NRG1: variants seen among roughly 807,000 people sequenced by gnomAD.
The protein encoded by NRG1 is neuregulin 1.
In NRG1, 18 loss-of-function variants were observed where a neutral mutation model predicts 63.8. That is an observed-to-expected ratio of 0.28 (90% CI 0.19 to 0.42). The LOEUF is 0.42. Ranked by LOEUF, NRG1 falls within the 10% of genes least tolerant of loss-of-function variation. The pLI, the probability that NRG1 is intolerant of heterozygous loss-of-function variation, is 1.00. For synonymous variants in NRG1, 302 were observed against 301.3 expected (o/e 1.00, Z -0.02); for missense variants, 762 against 814.7 (o/e 0.94, Z 0.79).
intron 1 of NRG1, among the ~76,000 whole-genome samples, chr8:32,475,421 C>T (rs1052145384): frequency 4.3e-5 from 6 of 138,190 alleles, no homozygotes; most frequent in Non-Finnish European, 7.6e-5. Flanking sequence ...CCTGAGATCA[C>T]GCCACTGCAC....
chr8:32,625,909 T>G (rs1849175885), intron 5 of NRG1, among the ~76,000 whole-genome samples: 1 of 151,628 alleles, frequency 6.6e-6, no homozygotes, highest in Non-Finnish European at 1.5e-5. Context: ...TTCTTTTGCC[T>G]CAGCTTCCCA....
chr8:32,022,592 T>C (rs1222917795), intron 1 of NRG1, among the ~76,000 whole-genome samples: 2 of 152,210 alleles, frequency 1.3e-5, no homozygotes, highest in African/African-American at 4.8e-5. Flanking sequence ...GAGAGGGAAC[T>C]ATTCAGAGTA....
rs184369862 is a variant in NRG1 at position 31,923,128 on chromosome 8, C to G, written c.37+283697C>G. On this transcript the variant is annotated intron_variant, in intron 1 of 10. Transcript: ENST00000519301. ...CGTTAAGTATGATGTTTTAGTCTCT[C>G]TTTTCTTTTTTAGAAACCTTCACTA... Among the ~76,000 whole-genome samples the G allele has an allele frequency of 2.6e-5, 4 of 152,170 alleles. No homozygotes were observed. The East Asian group carries it at 7.7e-4, about 29-fold the overall frequency.
At chr8:32,299,842 C>T (rs1855379051) in intron 1 of NRG1, among the ~76,000 whole-genome samples, 1 of 152,130 alleles carries the variant, frequency 6.6e-6, no homozygotes, top group South Asian at 2.1e-4. Flanking sequence ...AATTCCCTTC[C>T]ACTGGGTCCC....
At chr8:31,898,071 C>T (rs568106584) in intron 1 of NRG1, among the ~76,000 whole-genome samples, 1 of 150,960 alleles carries the variant, frequency 6.6e-6, no homozygotes, top group Non-Finnish European at 1.5e-5. Flanking sequence ...AAGCCCCTCA[C>T]ACCTTGCCAC....
intron 1 of NRG1, among the ~76,000 whole-genome samples, chr8:32,300,949 G>T (rs1855507993): frequency 6.6e-6 from 1 of 152,152 alleles, no homozygotes; most frequent in Non-Finnish European, 1.5e-5. Flanking sequence ...CATTCTTCCT[G>T]ATCAGAAAAT....
intron 1 of NRG1, among the ~76,000 whole-genome samples, chr8:31,966,886 G>A (rs775125678): frequency 6.6e-6 from 1 of 152,026 alleles, no homozygotes; most frequent in Admixed American, 6.5e-5. Context: ...CATAGCTAAA[G>A]TCAACTTCGG....
chr8:32,318,538 C>T (rs189160418), intron 1 of NRG1, among the ~76,000 whole-genome samples: 11 of 152,258 alleles, frequency 7.2e-5, no homozygotes, highest in Non-Finnish European at 1.2e-4. Context: ...CAACTAGAAC[C>T]AGTGTCCTTA....
intron 1 of NRG1, among the ~76,000 whole-genome samples, chr8:32,212,380 T>C (rs1333586135): frequency 1.3e-5 from 2 of 152,208 alleles, no homozygotes; most frequent in African/African-American, 4.8e-5. Flanking sequence ...GGTTTGTTCA[T>C]GGCAGCATTG....
intron 1 of NRG1, among the ~76,000 whole-genome samples, chr8:31,665,070 C>A (rs1047153605): frequency 7.2e-5 from 11 of 152,070 alleles, no homozygotes; most frequent in Non-Finnish European, 1.0e-4. Flanking sequence ...GGAGGTGGAC[C>A]TTCAAGGGTG....
intron 1 of NRG1, among the ~76,000 whole-genome samples, chr8:32,342,266 A>G (rs1563335534): frequency 6.6e-6 from 1 of 152,216 alleles, no homozygotes; most frequent in Admixed American, 6.5e-5. Context: ...TTTATGCTCT[A>G]TTATGTACAA....
At chr8:31,682,632 T>G (rs904243360) in intron 1 of NRG1, among the ~76,000 whole-genome samples, 4 of 152,074 alleles carry the variant, frequency 2.6e-5, no homozygotes, top group African/African-American at 9.7e-5. Context: ...CCTATAATTT[T>G]TTTTCAAACC....
intron 1 of NRG1, among the ~76,000 whole-genome samples, chr8:31,760,187 A>G (rs545649272): frequency 1.3e-5 from 2 of 152,112 alleles, no homozygotes; most frequent in Non-Finnish European, 2.9e-5. Context: ...TTTTAGGTCT[A>G]AGGTTTAAGT....
intron 1 of NRG1, among the ~76,000 whole-genome samples, chr8:32,195,173 G>A (rs1842842379): frequency 6.6e-6 from 1 of 152,036 alleles, no homozygotes; most frequent in Admixed American, 6.6e-5. Context: ...CAGGCTGGGT[G>A]CTATAATCCC....
chr8:31,728,902 T>C (rs909217867), intron 1 of NRG1, among the ~76,000 whole-genome samples: 1 of 152,178 alleles, frequency 6.6e-6, no homozygotes, highest in East Asian at 1.9e-4. Context: ...GGTATTGAAA[T>C]TTTTTGGTGA....
chr8:32,485,451 T>C (rs1176943181), intron 1 of NRG1, among the ~76,000 whole-genome samples: 4 of 152,204 alleles, frequency 2.6e-5, no homozygotes, highest in African/African-American at 9.6e-5. Flanking sequence ...CTCATATTAA[T>C]AATAAGCTTC....
intron 1 of NRG1, among the ~76,000 whole-genome samples, chr8:32,260,201 A>G (rs1850212344): frequency 2.0e-5 from 3 of 152,190 alleles, no homozygotes; most frequent in Admixed American, 1.3e-4. Flanking sequence ...TTTAGTAGGA[A>G]AGATGCATCA....
chr8:32,529,355 A>G (rs1831207969), intron 1 of NRG1, among the ~76,000 whole-genome samples: 2 of 152,184 alleles, frequency 1.3e-5, no homozygotes, highest in South Asian at 4.1e-4. Context: ...GTGACCGTGA[A>G]GGCCCAGGAC....
At chr8:32,759,704 C>T (rs973016706) in intron 10 of NRG1, among the ~76,000 whole-genome samples, 1 of 152,182 alleles carries the variant, frequency 6.6e-6, no homozygotes, top group African/African-American at 2.4e-5. Context: ...ACAAGTCTGT[C>T]TTTGGCTCTG....
Sources: allele counts gnomAD v4.1 joint callset (sites outside exome capture counted in the v4.1 genomes callset), GRCh38; gene constraint gnomAD v4.1.1; transcripts MANE v1.5; gene names NCBI Gene and HGNC (gene_info 2026-07-23, HGNC 2026-07-21).